Variants in NECAB1 observed in about 807,000 individuals in gnomAD.
NECAB1 encodes N-terminal EF-hand calcium-binding protein 1.
Under a neutral mutation model 57.5 loss-of-function variants are expected in NECAB1, and 29 were observed. The observed-to-expected ratio is 0.50, with a 90% CI of 0.38 to 0.69. The LOEUF (loss-of-function observed/expected upper bound fraction) is 0.69. Ranked by LOEUF, NECAB1 falls within the 30% of genes least tolerant of loss-of-function variation. The pLI is 0.00. For missense variants in NECAB1, 372 were observed against 413.8 expected (o/e 0.90, Z 0.88); for synonymous variants, 142 against 147.7 (o/e 0.96, Z 0.28).
chr8:90,833,772 C>A (rs1812327328), intron 3 of NECAB1, among the ~76,000 whole-genome samples: 1 of 152,116 alleles, frequency 6.6e-6, no homozygotes, highest in Non-Finnish European at 1.5e-5. Flanking sequence ...CAGTATTTTT[C>A]CTCCATTTCC....
In NECAB1 at chr8:90,806,231, C is replaced by A. The variant is rs531104833; in HGVS notation, c.124+4516C>A. On this transcript the variant is annotated intron_variant, in intron 2 of 12. Transcript: ENST00000417640. ...TTGATCCCTGTTTAATCACTGTTCC[C>A]TCTAAGAGATTGTTATAGTTCTCCT... Among the ~76,000 whole-genome samples, 4 of 152,278 alleles carry A rather than the reference C, an allele frequency of 2.6e-5. No homozygotes were observed. In the South Asian group the frequency reaches 8.3e-4, roughly 32 times the overall value.
At chr8:90,940,694 T>C in intron 9 of NECAB1, 92 bp from the exon 10 acceptor site, 1 of 896,748 alleles carries the variant, frequency 1.1e-6, no homozygotes, top group Non-Finnish European at 1.8e-6. Context: ...AATCATCTGT[T>C]TTTGTGAGGA....
At chr8:90,829,899 T>A (rs1358227084) in intron 3 of NECAB1, among the ~76,000 whole-genome samples, 3 of 152,098 alleles carry the variant, frequency 2.0e-5, no homozygotes, top group Non-Finnish European at 4.4e-5. Context: ...GAAGACAGTT[T>A]TCATGTGCCA....
intron 5 of NECAB1, among the ~76,000 whole-genome samples, chr8:90,907,897 A>T (rs977345368): frequency 1.3e-5 from 2 of 152,210 alleles, no homozygotes; most frequent in African/African-American, 4.8e-5. Flanking sequence ...GAAATGTGTC[A>T]GTTTTCACAT....
chr8:90,834,125 A>T (rs977284795), intron 3 of NECAB1, among the ~76,000 whole-genome samples: 1 of 138,614 alleles, frequency 7.2e-6, no homozygotes, highest in African/African-American at 2.7e-5. Flanking sequence ...ACTGTGCACC[A>T]CTGTACTCCA....
Position 90,872,267 on chromosome 8 carries a change from G to GA in NECAB1, c.259+119dup, listed in dbSNP as rs1808635066. ...TGTTGTATATTAGGAGTTCACAAAGGAAAAATTAATCGAGATCTCAAGGGA... is the reference window on the plus strand; with the variant it reads ...TGTTGTATATTAGGAGTTCACAAAGGAAAAAATTAATCGAGATCTCAAGGGA... On this transcript the variant is annotated intron_variant, in intron 4 of 12. Coordinates refer to ENST00000417640, the MANE Select transcript of NECAB1 (RefSeq NM_022351.5). 3.4e-5 allele frequency: 28 copies of GA among 835,818 alleles called. 1 individual carries two copies. In the Middle Eastern group the frequency reaches 6.2e-3, roughly 184 times the overall value. The allele number at this position is 835,818 out of a possible 1,614,324, so 51.8% of individuals were successfully genotyped here.
At chr8:90,821,182 C>T (rs1248446272) in intron 2 of NECAB1, among the ~76,000 whole-genome samples, 1 of 151,806 alleles carries the variant, frequency 6.6e-6, no homozygotes, top group Non-Finnish European at 1.5e-5. Flanking sequence ...CTAGATGCCT[C>T]TACTTACTCC....
intron 12 of NECAB1, among the ~76,000 whole-genome samples, chr8:90,953,173 A>C (rs868529687): frequency 1.3e-5 from 2 of 152,210 alleles, no homozygotes; most frequent in Non-Finnish European, 2.9e-5. Flanking sequence ...GGACAGAAAC[A>C]ACCTGATCAA....
At chr8:90,923,332 T>A (rs79948551) in intron 6 of NECAB1, among the ~76,000 whole-genome samples, 2,270 of 152,236 alleles carry the variant, frequency 0.015, 48 homozygotes, top group African/African-American at 0.051. Context: ...TACTGAAGAG[T>A]GAGATGTGAA....
At chr8:90,885,060 A>C (rs756378335) in intron 5 of NECAB1, among the ~76,000 whole-genome samples, 9 of 152,186 alleles carry the variant, frequency 5.9e-5, no homozygotes, top group Non-Finnish European at 8.8e-5. Context: ...CTCCACCTCT[A>C]ACTGGGTAAG....
chr8:90,940,724 G>T, intron 9 of NECAB1, 62 bp from the exon 10 acceptor site: 2 of 1,213,900 alleles, frequency 1.6e-6, no homozygotes, highest in African/African-American at 1.5e-5. Context: ...TGGGCAGTAG[G>T]AGTCAGCTTA....
At chr8:90,803,123 C>T (rs902834230) in intron 2 of NECAB1, among the ~76,000 whole-genome samples, 9 of 152,186 alleles carry the variant, frequency 5.9e-5, no homozygotes, top group Non-Finnish European at 8.8e-5. Flanking sequence ...TCTCAAACTC[C>T]TGACCTCAAG....
At chr8:90,935,438 C>T (rs1392381364) in intron 9 of NECAB1, among the ~76,000 whole-genome samples, 1 of 152,108 alleles carries the variant, frequency 6.6e-6, no homozygotes, top group African/African-American at 2.4e-5. Flanking sequence ...GGGATGTAGT[C>T]TGTGTTAATT....
At position 90,905,114 on chromosome 8, in the gene NECAB1, AAAAC is replaced by A. The variant is rs1446749638; in HGVS notation, c.358-12369_358-12366del. Among the ~76,000 whole-genome samples the A allele has an allele frequency of 8.5e-4, 130 of 152,222 alleles. 1 individual carries two copies. Among genetic ancestry groups the A allele is most frequent in the African/African-American group, 9.6e-5 (4 of 41,470 alleles). The stretch of plus-strand genomic sequence containing the variant: ...CAAAAGACAGCACTTACAAATTGAA[AAAAC>A]AAACAAACCAAGAGAATTTGCAAAA... On this transcript the variant is annotated intron_variant, in intron 5 of 12. Coordinates refer to ENST00000417640, the MANE Select transcript of NECAB1 (RefSeq NM_022351.5).
At chr8:90,808,640 CTTTTTT>C (rs200075536) in intron 2 of NECAB1, among the ~76,000 whole-genome samples, 17 of 81,272 alleles carry the variant, frequency 2.1e-4, no homozygotes, top group African/African-American at 8.9e-4. Context: ...TTTTTCTTTT[CTTTTTT>C]TTTTTTTTTT....
intron 2 of NECAB1, among the ~76,000 whole-genome samples, chr8:90,803,596 C>T (rs1176638884): frequency 6.6e-6 from 1 of 152,184 alleles, no homozygotes; most frequent in Non-Finnish European, 1.5e-5. Context: ...GAAGTGGTCA[C>T]TTGCATTGGC....
At chr8:90,950,706 A>G (rs1375008246) in intron 11 of NECAB1, among the ~76,000 whole-genome samples, 3 of 152,172 alleles carry the variant, frequency 2.0e-5, no homozygotes, top group Non-Finnish European at 4.4e-5. Context: ...CCATAGAAGG[A>G]AACGAGGTAA....
In NECAB1 at chr8:90,907,153, A is replaced by T. The variant is rs1238152587; in HGVS notation, c.358-10339A>T. Among the ~76,000 whole-genome samples, 292 of 103,520 alleles carry T rather than the reference A, an allele frequency of 2.8e-3. 2 individuals are homozygous for T. Among genetic ancestry groups the T allele is most frequent in the Middle Eastern group, 0.015 (3 of 194 alleles). The allele number at this position is 103,520 out of a possible 152,430, so 67.9% of individuals were successfully genotyped here. Reference sequence around the variant, plus strand: ...GTGTGTGTGTGTGTGTGTGTGTGTGAGAGAGAGAGAGAGAGAGAGAGAGAG... The same window carrying T: ...GTGTGTGTGTGTGTGTGTGTGTGTGTGAGAGAGAGAGAGAGAGAGAGAGAG... On this transcript the variant is annotated intron_variant, in intron 5 of 12. Transcript: ENST00000417640.
At chr8:90,807,503 G>C (rs1046936646) in intron 2 of NECAB1, among the ~76,000 whole-genome samples, 1 of 152,022 alleles carries the variant, frequency 6.6e-6, no homozygotes, top group Non-Finnish European at 1.5e-5. Context: ...TCTGTCTTTC[G>C]CACTTGGGAA....
Sources: gnomAD v4.1 joint callset for allele counts (sites outside exome capture counted in the v4.1 genomes callset) on GRCh38, gnomAD v4.1.1 for gene constraint, MANE v1.5 for transcripts, NCBI Gene and HGNC (gene_info 2026-07-23, HGNC 2026-07-21) for gene names.